Variants in PIH1D1 observed in about 807,000 individuals in gnomAD.
The protein encoded by PIH1D1 is PIH1 domain containing 1.
PIH1D1 carries 28 observed loss-of-function variants against 38.5 expected under a neutral mutation model. That is an observed-to-expected ratio of 0.73 (90% CI 0.54 to 1.00). The LOEUF (loss-of-function observed/expected upper bound fraction) is 1.00. PIH1D1 is among the 50% of genes least tolerant of loss of function. The pLI, the probability that PIH1D1 is intolerant of heterozygous loss-of-function variation, is 0.00. For synonymous variants in PIH1D1, 155 were observed against 153.5 expected (o/e 1.01, Z -0.07); for missense variants, 343 against 369.9 (o/e 0.93, Z 0.60).
intron 5 of PIH1D1, 139 bp downstream of exon 5, chr19:49,447,687 CA>C (rs1298922706): frequency 2.0e-6 from 2 of 995,486 alleles, no homozygotes; most frequent in Non-Finnish European, 3.1e-6. Context: ...CCCGCCCCCT[CA>C]GGGCGTCCAG....
At chr19:49,446,771 G>A (rs755431192) in intron 7 of PIH1D1, 77 bp from the exon 8 acceptor site, 3 of 1,410,466 alleles carry the variant, frequency 2.1e-6, no homozygotes, top group African/African-American at 2.9e-5. Flanking sequence ...AGCCTCACAC[G>A]CTGGGAAACT....
chr19:49,447,427 G>A lies in PIH1D1; in HGVS notation c.522C>T (p.Ile174=), dbSNP rs201815257. The change falls in exon 6 of 9, where the codon ATC becomes ATT. Residue 174 remains isoleucine (I), a synonymous_variant. Coordinates refer to ENST00000262265, the MANE Select transcript of PIH1D1 (RefSeq NM_017916.3). Reference sequence around the variant, plus strand: ...GCTCCGAGCGGATGTTCTGCTGCGAGATGGAGCCCATGAATGGCCGGTTCT... The same window carrying A: ...GCTCCGAGCGGATGTTCTGCTGCGAAATGGAGCCCATGAATGGCCGGTTCT... ...MMKNRPFMGS[I]SQQNIRSEQR... 4.3e-6 allele frequency: 7 copies of A among 1,612,384 alleles called. No homozygotes were observed. Among genetic ancestry groups the A allele is most frequent in the Non-Finnish European group, 5.9e-6 (7 of 1,179,982 alleles).
At position 49,451,142 on chromosome 19, in the gene PIH1D1, G is replaced by T. The variant is rs1028847649; in HGVS notation, c.91-294C>A. Among the ~76,000 whole-genome samples, 5 of 148,350 alleles carry T rather than the reference G, an allele frequency of 3.4e-5. 1 individual carries two copies. The highest frequency in any genetic ancestry group is 1.2e-4 in the African/African-American group (5 of 40,060). On this transcript the variant is annotated intron_variant, in intron 1 of 8. Transcript: ENST00000262265. Reference sequence around the variant, plus strand: ...CCTCCCGGGTTCACGCCATTCTCCTGCCTCAGCCTCTCCAGTAGCTAGGAC... The same window carrying T: ...CCTCCCGGGTTCACGCCATTCTCCTTCCTCAGCCTCTCCAGTAGCTAGGAC...
chr19:49,450,951 G>A (rs780127099), intron 1 of PIH1D1, 103 bp from the exon 2 acceptor site: 1 of 1,596,130 alleles, frequency 6.3e-7, no homozygotes, highest in Non-Finnish European at 8.5e-7. Context: ...TGTGGATAAC[G>A]CGAGAAATTA....
rs2079044915 is a variant in PIH1D1 at position 49,449,519 on chromosome 19, C to T, written c.293G>A (p.Arg98His). The change falls in exon 3 of 9, where the codon CGC becomes CAC. Residue 98 changes from arginine (R) to histidine (H), a missense_variant. By Grantham distance (29) the Arg-to-His change is conservative. Transcript: ENST00000262265. ...AGGCTCTCCCAGACTCATGGGGATG[C>T]GAAACCCAGCTTGGTCCTCCTCTAG... ...QMLEEDQAGFRIPMSLGEPHA... is the reference protein window; with the variant it reads ...QMLEEDQAGFHIPMSLGEPHA... 3.7e-6 allele frequency: 6 copies of T among 1,614,118 alleles called. No homozygotes were observed. Among genetic ancestry groups the T allele is most frequent in the Non-Finnish European group, 5.1e-6 (6 of 1,180,008 alleles).
chr19:49,451,152 C>G (rs1280244280), intron 1 of PIH1D1, among the ~76,000 whole-genome samples: 2 of 151,374 alleles, frequency 1.3e-5, no homozygotes, highest in African/African-American at 4.9e-5. Context: ...GCCTCAGCCT[C>G]TCCAGTAGCT....
rs1350071882 is a variant in PIH1D1 at position 49,447,917 on chromosome 19, A to C, written c.400-9T>G. On this transcript the variant is annotated splice_polypyrimidine_tract_variant and intron_variant, in intron 4 of 8. Transcript: ENST00000262265. ...CGCAAGAAATCGCTGTTCTGGGGTG[A>C]CAGAGAGGGAAAAGACAGGCGGTGG... is the stretch of plus-strand genomic sequence containing the variant. 1 of 1,614,120 alleles carries C rather than the reference A, an allele frequency of 6.2e-7. No homozygotes were observed. The highest frequency in any genetic ancestry group is 1.7e-5 in the Admixed American group (1 of 60,026).
rs573852475 is a variant in PIH1D1, at chr19:49,450,103, G to GT, written c.158-450dup. 2.6e-4 allele frequency among the ~76,000 whole-genome samples: 39 copies of GT among 149,612 alleles called. 1 individual carries two copies. In the South Asian group the frequency reaches 7.7e-3, roughly 29 times the overall value. The stretch of plus-strand genomic sequence containing the variant: ...TCTCTTCTTTGTTTTCTCCTTGTTT[G>GT]TTTTTTGAGACAGGGTCTCACTGTG... On this transcript the variant is annotated intron_variant, in intron 2 of 8. Transcript: ENST00000262265.
chr19:49,451,190 C>A (rs1200819896), intron 1 of PIH1D1, among the ~76,000 whole-genome samples: 2 of 151,872 alleles, frequency 1.3e-5, no homozygotes, highest in African/African-American at 2.4e-5. Flanking sequence ...CCACCACGCC[C>A]GGCTAATTTT....
intron 1 of PIH1D1, chr19:49,451,275 C>G (rs868177499): frequency 1.7e-6 from 1 of 591,370 alleles, no homozygotes; most frequent in Non-Finnish European, 2.9e-6. Flanking sequence ...GTGATCCGCC[C>G]GCCTCGGCCT....
chr19:49,448,322 C>T (rs1327179506), intron 3 of PIH1D1: 6 of 520,234 alleles, frequency 1.2e-5, no homozygotes, highest in Admixed American at 3.2e-5. Context: ...CTCTGGCTCC[C>T]CAGTGCTCCC....
At chr19:49,449,755 C>T in intron 2 of PIH1D1, 101 bp from the exon 3 acceptor site, 1 of 967,654 alleles carries the variant, frequency 1.0e-6, no homozygotes, top group Non-Finnish European at 1.5e-6. Context: ...CCCTGTCCCC[C>T]TTTTTTGTTC....
Position 49,451,735 on chromosome 19 carries a change from A to G in PIH1D1, c.-161T>C, listed in dbSNP as rs1467338376. On this transcript the variant is annotated 5_prime_UTR_variant, in exon 1 of 9. Transcript: ENST00000262265. ...GCCTAAGACTACATTTCCATTCAAG[A>G]CCGAACACCATCGTCAAATCCGTGG... The G allele has an allele frequency of 1.3e-5, 18 of 1,424,440 alleles. No individual in the cohort carries two copies. The highest frequency in any genetic ancestry group is 4.5e-5 in the South Asian group (3 of 67,006). 88.2% of individuals were successfully genotyped at this position (1,424,440 alleles called of 1,614,324 possible). A position where few individuals can be genotyped will look rare whatever the true frequency, so the allele number is the denominator to read the frequency against.
intron 2 of PIH1D1, 107 bp downstream of exon 2, chr19:49,450,675 T>TCA: frequency 2.7e-6 from 2 of 727,412 alleles, no homozygotes; most frequent in South Asian, 3.5e-5. Context: ...GGGTGTCTGC[T>TCA]CACCCCACCC....
At position 49,451,034 on chromosome 19, in the gene PIH1D1, T is replaced by C. The variant is rs1188706059; in HGVS notation, c.91-186A>G. 3.9e-4 allele frequency: 444 copies of C among 1,143,540 alleles called. 1 individual carries two copies. Among genetic ancestry groups the C allele is most frequent in the Non-Finnish European group, 4.1e-4 (352 of 851,782 alleles). The allele number at this position is 1,143,540 out of a possible 1,614,324, so 70.8% of individuals were successfully genotyped here. On this transcript the variant is annotated intron_variant, in intron 1 of 8. Coordinates refer to ENST00000262265, the MANE Select transcript of PIH1D1 (RefSeq NM_017916.3). ...AACCCCATTCCCATTTCTTTTTTTT[T>C]TTTTTTTTTTTTGGAGACGGAGTCT...
intron 6 of PIH1D1, 107 bp downstream of exon 6, chr19:49,447,231 C>T: frequency 1.3e-6 from 2 of 1,532,064 alleles, no homozygotes; most frequent in Non-Finnish European, 8.9e-7. Flanking sequence ...TCTCCTCCCT[C>T]TCTCAGTGCC....
At chr19:49,446,854 C>T (rs1433064578) in intron 7 of PIH1D1, 160 bp from the exon 8 acceptor site, 19 of 1,101,192 alleles carry the variant, frequency 1.7e-5, no homozygotes, top group East Asian at 2.4e-5. Context: ...CGAGCACTTA[C>T]AATCCCTTGG....
rs751570759 is a variant in PIH1D1, at chr19:49,447,360, C to T, written c.589G>A (p.Ala197Thr). The T allele has an allele frequency of 6.2e-7, 1 of 1,613,846 alleles. No individual in the cohort carries two copies. The highest frequency in any genetic ancestry group is 1.7e-5 in the Admixed American group (1 of 60,006). The change falls in exon 6 of 9, where the codon GCC (alanine) becomes ACC (threonine). Residue 197 changes from alanine (A) to threonine (T), a missense_variant. Coordinates refer to ENST00000262265, the MANE Select transcript of PIH1D1 (RefSeq NM_017916.3). ...CACCCTGACTCAGCTCTCCCGGGGG[C>T]GGGCGTGTACAGGTCCCCCAGCTCC... is the stretch of plus-strand genomic sequence containing the variant. ...IQELGDLYTP[A>T]PGRAESGPEK...
rs2079045958 is a variant in PIH1D1 at position 49,449,654 on chromosome 19, C to A, written c.158G>T (p.Gly53Val). Residue 53 changes from glycine (G) to valine (V), a missense_variant and splice_region_variant, in exon 3 of 9, where the codon GGT becomes GTT. Gly to Val is a moderately radical substitution (Grantham distance 109). Coordinates refer to ENST00000262265, the MANE Select transcript of PIH1D1 (RefSeq NM_017916.3). Reference protein sequence around the residue: ...PESTQIQPQPGFCIKTNSSEG... With the variant: ...PESTQIQPQPVFCIKTNSSEG... ...CGAGGAGTTGGTCTTTATGCAGAAA[C>A]CTGGTGGGAGTGGGTTAGTCATGAC... 1 of 1,613,116 alleles carries A rather than the reference C, an allele frequency of 6.2e-7. No individual in the cohort carries two copies. Among genetic ancestry groups the A allele is most frequent in the Non-Finnish European group, 8.5e-7 (1 of 1,179,238 alleles).
Sources: gnomAD v4.1 joint callset for allele counts (sites outside exome capture counted in the v4.1 genomes callset) on GRCh38, gnomAD v4.1.1 for gene constraint, MANE v1.5 for transcripts, NCBI Gene and HGNC (gene_info 2026-07-23, HGNC 2026-07-21) for gene names.